Variants in YAP1 observed in about 807,000 individuals in gnomAD.
The protein encoded by YAP1 is transcriptional coactivator YAP1.
In YAP1, 5 loss-of-function variants were observed where a neutral mutation model predicts 56.9. The ratio of observed to expected loss-of-function variants is 0.09; its 90% CI spans 0.05 to 0.18. The LOEUF (loss-of-function observed/expected upper bound fraction) is 0.18, where lower values mean the gene tolerates loss of function less well. Among genes scored for constraint, YAP1 ranks in the 10% least tolerant of loss-of-function variants. YAP1 has a pLI of 1.00. For missense variants in YAP1, 539 were observed against 651.8 expected, an observed-to-expected ratio of 0.83 and a Z score of 1.88; for synonymous variants, 265 against 248.1, an observed-to-expected ratio of 1.07 and a Z score of -0.64.
At chr11:102,224,938 G>T (rs1381113387) in intron 7 of YAP1, among the ~76,000 whole-genome samples, 1 of 152,090 alleles carries the variant, frequency 6.6e-6, no homozygotes, top group Non-Finnish European at 1.5e-5. Flanking sequence ...TAATCCCAGG[G>T]ATAAAAATTA....
chr11:102,137,730 C>G (rs77531504), intron 2 of YAP1, among the ~76,000 whole-genome samples: 2 of 147,966 alleles, frequency 1.4e-5, no homozygotes, highest in African/African-American at 5.0e-5. Flanking sequence ...AAATATTTCA[C>G]GTTATTAGAG....
intron 2 of YAP1, among the ~76,000 whole-genome samples, chr11:102,119,633 T>C (rs1943527793): frequency 7.3e-6 from 1 of 136,522 alleles, no homozygotes; most frequent in South Asian, 2.2e-4. Context: ...TTTAAATAGT[T>C]GAAACTTGGA....
At chr11:102,156,336 A>T (rs977863537) in intron 2 of YAP1, among the ~76,000 whole-genome samples, 3 of 152,190 alleles carry the variant, frequency 2.0e-5, no homozygotes, top group African/African-American at 7.2e-5. Context: ...TGCTAGGTCA[A>T]TTATTTTCCT....
At chr11:102,166,257 A>T (rs529071453) in intron 3 of YAP1, among the ~76,000 whole-genome samples, 1 of 152,326 alleles carries the variant, frequency 6.6e-6, no homozygotes, top group East Asian at 1.9e-4. Context: ...GAGGGTACTG[A>T]TAATATCTTT....
At chr11:102,156,702 C>T (rs530836722) in intron 2 of YAP1, among the ~76,000 whole-genome samples, 2 of 152,264 alleles carry the variant, frequency 1.3e-5, no homozygotes, top group East Asian at 3.9e-4. Flanking sequence ...GTCACTATGG[C>T]ATTAGGAAAA....
At chr11:102,134,152 A>G (rs1406655799) in intron 2 of YAP1, among the ~76,000 whole-genome samples, 1 of 152,204 alleles carries the variant, frequency 6.6e-6, no homozygotes, top group Non-Finnish European at 1.5e-5. Context: ...GTTTTAACTG[A>G]AAAGAGTTTG....
intron 6 of YAP1, among the ~76,000 whole-genome samples, chr11:102,223,022 G>A (rs1293708889): frequency 1.3e-5 from 2 of 151,870 alleles, no homozygotes; most frequent in Non-Finnish European, 2.9e-5. Flanking sequence ...AAGGCGGGTG[G>A]ATCACGAGGT....
At chr11:102,160,249 C>T (rs1946189863) in intron 2 of YAP1, among the ~76,000 whole-genome samples, 2 of 152,044 alleles carry the variant, frequency 1.3e-5, no homozygotes, top group Non-Finnish European at 2.9e-5. Flanking sequence ...TCTTGAACTC[C>T]CAACTTCAGG....
chr11:102,199,868 A>G (rs571723712), intron 4 of YAP1, among the ~76,000 whole-genome samples: 45 of 152,364 alleles, frequency 3.0e-4, no homozygotes, highest in African/African-American at 8.2e-4. Context: ...GCCTAGGACA[A>G]TGTTTACAAG....
At chr11:102,112,067 T>C (rs1376636123) in intron 1 of YAP1, among the ~76,000 whole-genome samples, 6 of 152,214 alleles carry the variant, frequency 3.9e-5, no homozygotes, top group Non-Finnish European at 8.8e-5. Context: ...GCTTTTGAAT[T>C]AGCCACATCT....
intron 2 of YAP1, among the ~76,000 whole-genome samples, chr11:102,142,638 G>A (rs1316802487): frequency 2.0e-5 from 3 of 152,166 alleles, no homozygotes; most frequent in African/African-American, 7.2e-5. Flanking sequence ...AGACTGTTTT[G>A]ATTGTCAAGT....
intron 4 of YAP1, among the ~76,000 whole-genome samples, chr11:102,202,470 C>T (rs943854815): frequency 2.0e-5 from 3 of 151,494 alleles, no homozygotes; most frequent in African/African-American, 7.3e-5. Flanking sequence ...TGAGCCACTG[C>T]ACCTGGCCGA....
chr11:102,125,569 G>A (rs1048087207), intron 2 of YAP1, among the ~76,000 whole-genome samples: 2 of 151,016 alleles, frequency 1.3e-5, no homozygotes, highest in African/African-American at 4.9e-5. Context: ...AGTAGAGATG[G>A]GGATTCACCA....
chr11:102,159,658 TTA>T (rs2135387907), intron 2 of YAP1, among the ~76,000 whole-genome samples: 1 of 152,302 alleles, frequency 6.6e-6, no homozygotes, highest in East Asian at 1.9e-4. Context: ...CTGGTTGCTT[TTA>T]TATATGTTAC....
rs71059544 is a variant in YAP1 at position 102,228,634 on chromosome 11, C to CAAAAAAAA, written c.1277-1048_1277-1041dup. On this transcript the variant is annotated intron_variant, in intron 8 of 8. Coordinates refer to ENST00000282441, the MANE Select transcript of YAP1 (RefSeq NM_001130145.3). The stretch of plus-strand genomic sequence containing the variant: ...TGGGTGACAGAGCAAGACTCCGTCT[C>CAAAAAAAA]AAAAAAAAAAAAAAAAAAAAAAAAA... 1.5e-3 allele frequency among the ~76,000 whole-genome samples: 48 copies of CAAAAAAAA among 31,634 alleles called. 2 individuals carry two copies. The highest frequency in any genetic ancestry group is 3.5e-3 in the East Asian group (3 of 858). The allele number at this position is 31,634 out of a possible 152,430, so 20.8% of individuals were successfully genotyped here.
chr11:102,229,668 A>G lies in YAP1; in HGVS notation c.1277-34A>G, dbSNP rs762026501. On this transcript the variant is annotated intron_variant, in intron 8 of 8. Transcript: ENST00000282441. Reference sequence around the variant, plus strand: ...TACAGCCCTGATGTTAGCTTTTCAAAAAGGACTTTGTTATCTCTGTGTGTT... The same window carrying G: ...TACAGCCCTGATGTTAGCTTTTCAAGAAGGACTTTGTTATCTCTGTGTGTT... The G allele has an allele frequency of 1.6e-5, 26 of 1,597,758 alleles. 1 individual carries two copies. The highest frequency in any genetic ancestry group is 1.9e-5 in the Non-Finnish European group (22 of 1,167,446).
intron 3 of YAP1, among the ~76,000 whole-genome samples, chr11:102,163,662 A>G (rs1363865355): frequency 1.3e-5 from 2 of 152,212 alleles, no homozygotes; most frequent in Non-Finnish European, 2.9e-5. Flanking sequence ...AAGCATATTT[A>G]GTAGCTACAC....
chr11:102,166,965 A>G (rs1946649639), intron 3 of YAP1, among the ~76,000 whole-genome samples: 1 of 152,182 alleles, frequency 6.6e-6, no homozygotes, highest in South Asian at 2.1e-4. Context: ...ATTCTTTCCA[A>G]TTCTTAAGAT....
At chr11:102,220,741 T>A (rs1949887776) in intron 6 of YAP1, among the ~76,000 whole-genome samples, 4 of 152,118 alleles carry the variant, frequency 2.6e-5, no homozygotes, top group Admixed American at 1.3e-4. Flanking sequence ...GAAAGTAAAA[T>A]AAGTGCATGT....
Sources: allele counts gnomAD v4.1 joint callset (sites outside exome capture counted in the v4.1 genomes callset), GRCh38; gene constraint gnomAD v4.1.1; transcripts MANE v1.5; gene names NCBI Gene and HGNC (gene_info 2026-07-23, HGNC 2026-07-21).